The following IQCM variants were observed in gnomAD, a reference collection of about 807,000 sequenced individuals.
IQCM encodes IQ motif containing M, also known as IQ domain-containing protein M.
Under a neutral mutation model 57.6 loss-of-function variants are expected in IQCM, and 45 were observed. That is an observed-to-expected ratio of 0.78 (90% CI 0.62 to 1.00). The LOEUF (loss-of-function observed/expected upper bound fraction) is 1.00. Among genes scored for constraint, IQCM ranks in the 50% least tolerant of loss-of-function variants. The probability of loss-of-function intolerance (pLI) is 0.00; values close to 1 mark genes in which losing one functional copy is unlikely to be tolerated. For missense variants in IQCM, 468 were observed against 511.6 expected (o/e 0.91, Z 0.82); for synonymous variants, 148 against 158.9 (o/e 0.93, Z 0.51).
At chr4:149,801,556 A>G (rs1336990272) in intron 2 of IQCM, among the ~76,000 whole-genome samples, 2 of 152,054 alleles carry the variant, frequency 1.3e-5, no homozygotes, top group Admixed American at 6.6e-5. Flanking sequence ...AGTACTATTC[A>G]TCCATAAAAA....
At chr4:149,355,566 C>T (rs898282699) in intron 13 of IQCM, among the ~76,000 whole-genome samples, 14 of 152,044 alleles carry the variant, frequency 9.2e-5, no homozygotes, top group Admixed American at 7.9e-4. Context: ...CTACAAAGGA[C>T]GTGAACTCAT....
chr4:149,808,219 A>G (rs1424997874), intron 2 of IQCM, among the ~76,000 whole-genome samples: 1 of 152,196 alleles, frequency 6.6e-6, no homozygotes, highest in Non-Finnish European at 1.5e-5. Flanking sequence ...GCACAATGCA[A>G]TATTATTCAT....
At chr4:149,449,209 T>A (rs1171733929) in intron 12 of IQCM, among the ~76,000 whole-genome samples, 1 of 107,630 alleles carries the variant, frequency 9.3e-6, no homozygotes. Context: ...AGGACACCAA[T>A]TTAACAAGTA....
intron 12 of IQCM, among the ~76,000 whole-genome samples, chr4:149,475,514 G>A (rs1740087051): frequency 6.6e-6 from 1 of 152,102 alleles, no homozygotes; most frequent in Non-Finnish European, 1.5e-5. Context: ...GGCATAGTCA[G>A]CATATACAGC....
chr4:149,410,019 A>G (rs1351963952), intron 13 of IQCM, among the ~76,000 whole-genome samples: 1 of 152,202 alleles, frequency 6.6e-6, no homozygotes, highest in African/African-American at 2.4e-5. Flanking sequence ...CCCCGTCTCT[A>G]CTGAAAATAC....
chr4:149,722,151 T>G (rs74856849), intron 5 of IQCM, among the ~76,000 whole-genome samples: 1,890 of 152,236 alleles, frequency 0.012, 16 homozygotes, highest in Non-Finnish European at 0.018. Context: ...TTTGGTCTTC[T>G]CCTTGCTGAT....
chr4:149,813,436 A>C (rs1263151648), intron 2 of IQCM, among the ~76,000 whole-genome samples: 1 of 152,126 alleles, frequency 6.6e-6, no homozygotes, highest in Non-Finnish European at 1.5e-5. Flanking sequence ...GTGGACAAGA[A>C]GTAATTGAAG....
chr4:149,794,545 C>T (rs1315269700), intron 2 of IQCM, among the ~76,000 whole-genome samples: 2 of 152,056 alleles, frequency 1.3e-5, no homozygotes, highest in East Asian at 3.9e-4. Flanking sequence ...TCAACCTTTC[C>T]CATTAACAAG....
intron 12 of IQCM, among the ~76,000 whole-genome samples, chr4:149,541,090 A>C (rs1747804430): frequency 6.6e-6 from 1 of 152,090 alleles, no homozygotes; most frequent in Non-Finnish European, 1.5e-5. Context: ...CATGTGAAAA[A>C]CTTTTAAGAG....
intron 5 of IQCM, among the ~76,000 whole-genome samples, chr4:149,705,181 T>G (rs1053430151): frequency 3.4e-5 from 5 of 146,564 alleles, no homozygotes; most frequent in Non-Finnish European, 6.0e-5. Flanking sequence ...TATATAAAAA[T>G]AAAATATATT....
At chr4:149,377,937 GTAGCT>G (rs1287665284) in intron 13 of IQCM, among the ~76,000 whole-genome samples, 2 of 152,112 alleles carry the variant, frequency 1.3e-5, no homozygotes, top group Non-Finnish European at 2.9e-5. Context: ...ATCTTGAACT[GTAGCT>G]CCCATAATTC....
chr4:149,534,673 T>C (rs564540108), intron 12 of IQCM, among the ~76,000 whole-genome samples: 2 of 152,202 alleles, frequency 1.3e-5, no homozygotes, highest in East Asian at 3.9e-4. Flanking sequence ...TGAAAAACTA[T>C]GCCAAAAAAT....
chr4:149,402,540 A>G (rs1732690763), intron 13 of IQCM, among the ~76,000 whole-genome samples: 1 of 151,852 alleles, frequency 6.6e-6, no homozygotes, highest in Non-Finnish European at 1.5e-5. Flanking sequence ...TGGCTTACAA[A>G]GGAATGAGAC....
chr4:149,693,443 G>A (rs556778070), intron 5 of IQCM, among the ~76,000 whole-genome samples: 6 of 152,122 alleles, frequency 3.9e-5, no homozygotes, highest in South Asian at 4.1e-4. Context: ...CCATAAGCCC[G>A]AAAGTCATCT....
chr4:149,374,985 GTGTGTGTGTGTGT>G (rs1031856529), intron 13 of IQCM, among the ~76,000 whole-genome samples: 13 of 124,120 alleles, frequency 1.0e-4, no homozygotes, highest in Admixed American at 2.7e-4. Context: ...GTGTGTGTGT[GTGTGTGTGTGTGT>G]TGTGTGTGTG....
chr4:149,406,506 T>C (rs1462865745), intron 13 of IQCM, among the ~76,000 whole-genome samples: 2 of 152,092 alleles, frequency 1.3e-5, no homozygotes, highest in Non-Finnish European at 2.9e-5. Context: ...GGAAGACCTG[T>C]ATAGATAGAA....
intron 7 of IQCM, among the ~76,000 whole-genome samples, chr4:149,621,451 A>G (rs1756326705): frequency 6.6e-6 from 1 of 152,198 alleles, no homozygotes; most frequent in Admixed American, 6.5e-5. Flanking sequence ...TGGCTCCTTC[A>G]TATGGTAAGG....
chr4:149,655,638 G>A (rs548133100), intron 7 of IQCM, among the ~76,000 whole-genome samples: 14 of 152,126 alleles, frequency 9.2e-5, no homozygotes, highest in African/African-American at 3.1e-4. Context: ...CCTAACATTC[G>A]AAAGTTGTGT....
At chr4:149,716,391 G>C (rs1765001101) in intron 5 of IQCM, among the ~76,000 whole-genome samples, 1 of 152,202 alleles carries the variant, frequency 6.6e-6, no homozygotes, top group Non-Finnish European at 1.5e-5. Context: ...TGAGAGTTGG[G>C]AGAGGCCAGC....
Sources: gnomAD v4.1 joint callset for allele counts (sites outside exome capture counted in the v4.1 genomes callset) on GRCh38, gnomAD v4.1.1 for gene constraint, MANE v1.5 for transcripts, NCBI Gene and HGNC (gene_info 2026-07-23, HGNC 2026-07-21) for gene names.